The following MON2 variants were observed in gnomAD, a reference collection of about 807,000 sequenced individuals.
MON2 encodes the protein MON2 regulator of endosome-to-Golgi trafficking, also known as protein MON2 homolog.
MON2 carries 84 observed loss-of-function variants against 208.6 expected under a neutral mutation model. The ratio of observed to expected loss-of-function variants is 0.40; its 90% CI spans 0.34 to 0.48. MON2 has a LOEUF of 0.48. Among genes scored for constraint, MON2 ranks in the 20% least tolerant of loss-of-function variants. The pLI is 0.59. For synonymous variants in MON2, 660 were observed against 694.0 expected (o/e 0.95, Z 0.77); for missense variants, 1,611 against 2,015.4 (o/e 0.80, Z 3.84).
At chr12:62,510,595 A>G (rs2071345636) in intron 8 of MON2, among the ~76,000 whole-genome samples, 1 of 152,208 alleles carries the variant, frequency 6.6e-6, no homozygotes, top group African/African-American at 2.4e-5. Context: ...TCCTTTCATG[A>G]TAAAAACACT....
chr12:62,580,249 T>G, intron 31 of MON2, 48 bp from the exon 32 acceptor site: 1 of 1,557,236 alleles, frequency 6.4e-7, no homozygotes, highest in Non-Finnish European at 8.7e-7. Context: ...ATTATTTTAG[T>G]CTCTTTCAAA....
chr12:62,579,414 C>G (rs2074918362), intron 31 of MON2, among the ~76,000 whole-genome samples: 1 of 151,654 alleles, frequency 6.6e-6, no homozygotes, highest in Non-Finnish European at 1.5e-5. Flanking sequence ...TAAATAAAAT[C>G]AATTACATTA....
At chr12:62,569,582 A>T (rs1334332262) in intron 29 of MON2, among the ~76,000 whole-genome samples, 1 of 152,204 alleles carries the variant, frequency 6.6e-6, no homozygotes, top group East Asian at 1.9e-4. Context: ...GCATACACAC[A>T]TTCACACACT....
chr12:62,553,704 C>T (rs2073848393), intron 24 of MON2, among the ~76,000 whole-genome samples: 1 of 152,150 alleles, frequency 6.6e-6, no homozygotes, highest in African/African-American at 2.4e-5. Context: ...CATTAAATTA[C>T]AATTTCATTT....
chr12:62,588,197 A>G (rs373890037), intron 34 of MON2, 41 bp downstream of exon 34: 2 of 1,346,032 alleles, frequency 1.5e-6, no homozygotes, highest in Non-Finnish European at 2.1e-6. Context: ...CGTAACATTT[A>G]TGTTCTATTT....
intron 4 of MON2, among the ~76,000 whole-genome samples, chr12:62,497,251 A>C (rs2070561802): frequency 6.6e-6 from 1 of 151,620 alleles, no homozygotes; most frequent in Non-Finnish European, 1.5e-5. Flanking sequence ...CCAGCATGGC[A>C]CATGTACACA....
At chr12:62,507,297 TTTTTTC>T (rs1326415738) in intron 7 of MON2, among the ~76,000 whole-genome samples, 2 of 151,302 alleles carry the variant, frequency 1.3e-5, no homozygotes, top group Non-Finnish European at 3.0e-5. Context: ...CTTTTCTTTC[TTTTTTC>T]TTTTTCTTTT....
chr12:62,473,300 A>G (rs1565949361), intron 1 of MON2, among the ~76,000 whole-genome samples: 1 of 116,128 alleles, frequency 8.6e-6, no homozygotes, highest in South Asian at 2.8e-4. Flanking sequence ...TAATTTGCAT[A>G]AGGTAGTAAA....
chr12:62,488,737 G>C (rs2069939355), intron 2 of MON2, among the ~76,000 whole-genome samples: 1 of 152,210 alleles, frequency 6.6e-6, no homozygotes, highest in Non-Finnish European at 1.5e-5. Context: ...TTTATCTACA[G>C]TACAGTGTGC....
chr12:62,580,555 A>G, intron 32 of MON2, 135 bp downstream of exon 32: 3 of 677,082 alleles, frequency 4.4e-6, no homozygotes, highest in African/African-American at 1.8e-5. Flanking sequence ...GTAATATAGA[A>G]CTAAGCTTTA....
At chr12:62,533,414 A>T (rs1446353261) in intron 12 of MON2, among the ~76,000 whole-genome samples, 1 of 152,168 alleles carries the variant, frequency 6.6e-6, no homozygotes, top group African/African-American at 2.4e-5. Context: ...TTTATTTTTT[A>T]AAAATTATTC....
At position 62,494,988 on chromosome 12, in the gene MON2, G is replaced by T; in HGVS notation, c.304-28G>T. ...CATCAACATCTATATTGTATTTGTT[G>T]ACAATAATTAAAATAACTATTTTAC... On this transcript the variant is annotated intron_variant, in intron 3 of 34. Transcript: ENST00000393630. 2.6e-6 allele frequency: 4 copies of T among 1,557,302 alleles called. No homozygotes were observed. The South Asian group carries it at 4.6e-5, about 18-fold the overall frequency.
intron 15 of MON2, 46 bp downstream of exon 15, chr12:62,537,309 A>G: frequency 7.4e-7 from 1 of 1,342,858 alleles, no homozygotes; most frequent in Admixed American, 1.8e-5. Context: ...CTATCAAGGA[A>G]ACTTGTTGTA....
rs1273679586 is a variant in MON2 at position 62,598,183 on chromosome 12, C to T, written c.*5434C>T. ...TTGGTGTCTGTGTGATTGGTTCACC[C>T]AGAGGTCACCCAGAGGTCAATTGAA... On this transcript the variant is annotated 3_prime_UTR_variant, in exon 35 of 35. Coordinates refer to ENST00000393630, the MANE Select transcript of MON2 (RefSeq NM_015026.3). 1.3e-5 allele frequency: 2 copies of T among 152,044 alleles called. No homozygotes were observed. Among genetic ancestry groups the T allele is most frequent in the African/African-American group, 4.8e-5 (2 of 41,412 alleles). The allele number at this position is 152,044 out of a possible 1,614,324, so 9.4% of individuals were successfully genotyped here. A position where few individuals can be genotyped will look rare whatever the true frequency, so the allele number is the denominator to read the frequency against.
rs112933616 is a variant in MON2 at position 62,550,056 on chromosome 12, G to C, written c.2916+226G>C. Among the ~76,000 whole-genome samples the C allele has an allele frequency of 9.9e-5, 15 of 152,204 alleles. 1 individual carries two copies. The highest frequency in any genetic ancestry group is 2.9e-4 in the African/African-American group (12 of 41,526). ...TGAGCTGAAGTTTGGGTTTTACAGG[G>C]TTTGTCATGAAAGGGTTTAGTAAAC... On this transcript the variant is annotated intron_variant, in intron 23 of 34. Coordinates refer to ENST00000393630, the MANE Select transcript of MON2 (RefSeq NM_015026.3).
Position 62,592,861 on chromosome 12 carries a change from T to G in MON2, c.*112T>G. 1 of 1,120,530 alleles carries G rather than the reference T, an allele frequency of 8.9e-7. No homozygotes were observed. Among genetic ancestry groups the G allele is most frequent in the Non-Finnish European group, 1.2e-6 (1 of 803,966 alleles). The allele number at this position is 1,120,530 out of a possible 1,614,324, so 69.4% of individuals were successfully genotyped here. ...TGCAGATAATTCTTGGCAGCTGTTG[T>G]TGGCCTCCTTTAAATTCTACTTACC... On this transcript the variant is annotated 3_prime_UTR_variant, in exon 35 of 35. Transcript: ENST00000393630.
At chr12:62,532,772 T>C (rs1004554077) in intron 12 of MON2, 102 bp downstream of exon 12, 1 of 806,106 alleles carries the variant, frequency 1.2e-6, no homozygotes, top group South Asian at 1.7e-5. Flanking sequence ...TCTCAAGTGT[T>C]AACCACTTTC....
chr12:62,487,775 A>G (rs1327989786), intron 2 of MON2, among the ~76,000 whole-genome samples: 1 of 152,128 alleles, frequency 6.6e-6, no homozygotes, highest in Non-Finnish European at 1.5e-5. Flanking sequence ...ATGAGTAAAT[A>G]ATTATGTAAG....
At chr12:62,522,650 T>C (rs7953380) in intron 8 of MON2, among the ~76,000 whole-genome samples, 132,035 of 152,210 alleles carry the variant, frequency 0.87, 57,517 homozygotes, top group African/African-American at 0.93. Context: ...ATTGGATTTA[T>C]ACCATAAGTG....
Sources: allele counts gnomAD v4.1 joint callset (sites outside exome capture counted in the v4.1 genomes callset), GRCh38; gene constraint gnomAD v4.1.1; transcripts MANE v1.5; gene names NCBI Gene and HGNC (gene_info 2026-07-23, HGNC 2026-07-21).